ZNF578: variants seen among roughly 807,000 people sequenced by gnomAD.
The protein encoded by ZNF578 is zinc finger protein 578.
A neutral mutation model predicts 8.3 loss-of-function variants in ZNF578; 8 were observed. The ratio of observed to expected loss-of-function variants is 0.96; its 90% CI spans 0.56 to 1.74. ZNF578 has a LOEUF of 1.74. ZNF578 is among the 40% of genes most tolerant of loss of function. The pLI, the probability that ZNF578 is intolerant of heterozygous loss-of-function variation, is 0.00. For synonymous variants in ZNF578, 206 were observed against 232.2 expected (o/e 0.89, Z 1.03); for missense variants, 726 against 707.5 (o/e 1.03, Z -0.30).
At chr19:52,508,386 A>G (rs12973525) in intron 5 of ZNF578, among the ~76,000 whole-genome samples, 1 of 151,968 alleles carries the variant, frequency 6.6e-6, no homozygotes, top group African/African-American at 2.4e-5. Context: ...GAAAGAGAGA[A>G]AAAGAAAGAA....
intron 2 of ZNF578, among the ~76,000 whole-genome samples, chr19:52,480,926 TAA>T (rs1491053332): frequency 6.8e-6 from 1 of 147,784 alleles, no homozygotes; most frequent in Non-Finnish European, 1.5e-5. Flanking sequence ...ATAATAATAA[TAA>T]TAATAATAAT....
intron 2 of ZNF578, among the ~76,000 whole-genome samples, chr19:52,469,329 T>A (rs1425943611): frequency 6.6e-6 from 1 of 151,940 alleles, no homozygotes; most frequent in East Asian, 1.9e-4. Flanking sequence ...CCTGGCTAAT[T>A]TTTGCATTTT....
chr19:52,459,751 G>GTATATATA (rs1555751338), intron 2 of ZNF578, among the ~76,000 whole-genome samples: 1 of 4,756 alleles, frequency 2.1e-4, no homozygotes, highest in Non-Finnish European at 1.1e-3. Flanking sequence ...GTGTGTGTGT[G>GTATATATA]TATATATATA....
At chr19:52,471,508 A>G (rs2059291681) in intron 2 of ZNF578, among the ~76,000 whole-genome samples, 1 of 152,144 alleles carries the variant, frequency 6.6e-6, no homozygotes, top group Non-Finnish European at 1.5e-5. Flanking sequence ...CATCTTGTCA[A>G]GCTGATAATA....
chr19:52,505,721 G>T (rs2059423393), intron 5 of ZNF578, among the ~76,000 whole-genome samples: 1 of 152,114 alleles, frequency 6.6e-6, no homozygotes, highest in South Asian at 2.1e-4. Context: ...ACTGCGCCTG[G>T]CCCATTGTTC....
At position 52,511,617 on chromosome 19, in the gene ZNF578, A is replaced by G. The variant is rs2059447356; in HGVS notation, c.1236A>G (p.Ser412=). Residue 412 remains serine, a synonymous_variant, in exon 6 of 6, where the codon TCA becomes TCG. Transcript: ENST00000421239. ...NECGKAFNQQ[S]HLSRHHRLHT... is the part of the protein sequence containing the mutation. ...GTGGCAAGGCTTTTAATCAACAATC[A>G]CACCTTTCACGTCATCATAGACTTC... 1 of 1,613,212 alleles carries G rather than the reference A, an allele frequency of 6.2e-7. No homozygotes were observed. Among genetic ancestry groups the G allele is most frequent in the Non-Finnish European group, 8.5e-7 (1 of 1,179,132 alleles).
Position 52,515,425 on chromosome 19 carries a change from T to G in ZNF578, c.*3271T>G, listed in dbSNP as rs373315057. On this transcript the variant is annotated 3_prime_UTR_variant, in exon 6 of 6. Transcript: ENST00000421239. Reference sequence around the variant, plus strand: ...AAGAATTAACTGTCAGGAATCAATGTCATCAGAACCTTGCAAAAGAAGTTT... The same window carrying G: ...AAGAATTAACTGTCAGGAATCAATGGCATCAGAACCTTGCAAAAGAAGTTT... Among the ~76,000 whole-genome samples the G allele has an allele frequency of 1.0e-3, 159 of 152,314 alleles. No individual in the cohort carries two copies. Among genetic ancestry groups the G allele is most frequent in the Middle Eastern group, 6.8e-3 (2 of 294 alleles).
At chr19:52,483,539 C>T (rs531261078) in intron 2 of ZNF578, among the ~76,000 whole-genome samples, 1 of 152,220 alleles carries the variant, frequency 6.6e-6, no homozygotes, top group Non-Finnish European at 1.5e-5. Context: ...AATAAGAACT[C>T]TGAACATCCC....
intron 3 of ZNF578, among the ~76,000 whole-genome samples, chr19:52,492,560 T>C (rs1183858204): frequency 1.3e-5 from 2 of 152,184 alleles, no homozygotes; most frequent in South Asian, 2.1e-4. Flanking sequence ...ATTTCACATT[T>C]TAGTTTGCAT....
chr19:52,501,720 G>GC (rs146856334), intron 3 of ZNF578, 107 bp from the exon 4 acceptor site: 234,985 of 1,118,522 alleles, frequency 0.21, 26,444 homozygotes, highest in Admixed American at 0.23. Context: ...GTGGGCAGTG[G>GC]GGGGGGCTTC....
Position 52,484,770 on chromosome 19 carries a change from G to A in ZNF578, c.-121-6554G>A, listed in dbSNP as rs563822678. ...GTACCTTGTGACCCCCACTCTGCCC[G>A]CCAGAGAACAACCCCCCTTTGACTG... On this transcript the variant is annotated intron_variant, in intron 2 of 5. Transcript: ENST00000421239. 7.9e-3 allele frequency among the ~76,000 whole-genome samples: 1,164 copies of A among 147,980 alleles called. 15 individuals carry two copies. The highest frequency in any genetic ancestry group is 0.028 in the African/African-American group (1,103 of 39,916).
At position 52,513,337 on chromosome 19, in the gene ZNF578, CTTT is replaced by C. The variant is rs11318311; in HGVS notation, c.*1205_*1207del. Among the ~76,000 whole-genome samples, 6,907 of 100,952 alleles carry C rather than the reference CTTT, an allele frequency of 0.068. 213 individuals are homozygous for C. The highest frequency in any genetic ancestry group is 0.09 in the African/African-American group (2,646 of 29,520). The allele number at this position is 100,952 out of a possible 152,430, so 66.2% of individuals were successfully genotyped here. A position where few individuals can be genotyped will look rare whatever the true frequency, so the allele number is the denominator to read the frequency against. ...GCGCCTGGCATTGTTTCTTCTTTTC[CTTT>C]TTTTTTTTTTTTTTTTTTTTTGAGA... On this transcript the variant is annotated 3_prime_UTR_variant, in exon 6 of 6. Transcript: ENST00000421239.
intron 2 of ZNF578, among the ~76,000 whole-genome samples, chr19:52,490,971 T>C (rs1302487640): frequency 6.6e-6 from 1 of 152,226 alleles, no homozygotes; most frequent in African/African-American, 2.4e-5. Context: ...TCTGTAACTA[T>C]GAAGAATATA....
chr19:52,463,600 T>G (rs775306004), intron 2 of ZNF578, among the ~76,000 whole-genome samples: 1 of 152,162 alleles, frequency 6.6e-6, no homozygotes, highest in Non-Finnish European at 1.5e-5. Flanking sequence ...CACAACTGCT[T>G]GTACAGAGTT....
intron 2 of ZNF578, among the ~76,000 whole-genome samples, chr19:52,480,072 G>T (rs1270022936): frequency 1.3e-5 from 2 of 152,082 alleles, no homozygotes; most frequent in Non-Finnish European, 1.5e-5. Context: ...ACCATGCCCG[G>T]CAAATTTTTT....
intron 3 of ZNF578, among the ~76,000 whole-genome samples, chr19:52,498,684 CTTT>C (rs72019256): frequency 7.5e-5 from 8 of 106,846 alleles, no homozygotes; most frequent in Non-Finnish European, 7.1e-5. Context: ...CGCCTGGCCG[CTTT>C]TTTTTTTTTT....
chr19:52,485,432 G>C (rs575876717), intron 2 of ZNF578, among the ~76,000 whole-genome samples: 1 of 152,300 alleles, frequency 6.6e-6, no homozygotes, highest in East Asian at 1.9e-4. Flanking sequence ...CTGCAGTGGC[G>C]CAGGTGCTTG....
Position 52,475,809 on chromosome 19 carries a change from G to T in ZNF578, c.-121-15515G>T, listed in dbSNP as rs141418262. The stretch of plus-strand genomic sequence containing the variant: ...ATGGGGAAATTGTACCTTTTCTGGA[G>T]CTATTTTGAGATTCCATTTAGTTAA... On this transcript the variant is annotated intron_variant, in intron 2 of 5. Transcript: ENST00000421239. 7.0e-3 allele frequency among the ~76,000 whole-genome samples: 1,064 copies of T among 152,286 alleles called. 7 individuals carry two copies. Among genetic ancestry groups the T allele is most frequent in the Non-Finnish European group, 0.01 (699 of 68,026 alleles).
Position 52,510,737 on chromosome 19 carries a change from A to G in ZNF578, c.356A>G (p.Lys119Arg). The change falls in exon 6 of 6, where the codon AAA (lysine) becomes AGA (arginine). Residue 119 changes from lysine (K) to arginine (R), a missense_variant. By Grantham distance (26) the Lys-to-Arg change is conservative. Transcript: ENST00000421239. ...CATGACTTTGAGTTTCAGTCACAAA[A>G]AGATGAAAGAAATGGCCATGAAGCA... Reference protein sequence around the residue: ...DIHDFEFQSQKDERNGHEASM... With the variant: ...DIHDFEFQSQRDERNGHEASM... 1 of 1,612,840 alleles carries G rather than the reference A, an allele frequency of 6.2e-7. No individual in the cohort carries two copies. The highest frequency in any genetic ancestry group is 2.2e-5 in the East Asian group (1 of 44,878).
Sources: allele counts gnomAD v4.1 joint callset (sites outside exome capture counted in the v4.1 genomes callset), GRCh38; gene constraint gnomAD v4.1.1; transcripts MANE v1.5; gene names NCBI Gene and HGNC (gene_info 2026-07-23, HGNC 2026-07-21).